Variants in NTM observed in about 807,000 individuals in gnomAD.
NTM encodes the protein neurotrimin.
Under a neutral mutation model 42.1 loss-of-function variants are expected in NTM, and 13 were observed. That is an observed-to-expected ratio of 0.31 (90% confidence interval 0.20 to 0.49). The LOEUF (loss-of-function observed/expected upper bound fraction) is 0.49. NTM is among the 20% of genes least tolerant of loss of function. The pLI is 0.99. For missense variants in NTM, 373 were observed against 452.8 expected, an observed-to-expected ratio of 0.82 and a Z score of 1.60; for synonymous variants, 187 against 179.2, an observed-to-expected ratio of 1.04 and a Z score of -0.35.
intron 1 of NTM, among the ~76,000 whole-genome samples, chr11:131,588,549 G>A (rs2059082924): frequency 6.6e-6 from 1 of 152,170 alleles, no homozygotes; most frequent in South Asian, 2.1e-4. Context: ...GGTAGGGCAA[G>A]GACACAAAAA....
At chr11:131,539,816 T>C (rs1004940005) in intron 1 of NTM, among the ~76,000 whole-genome samples, 2 of 152,186 alleles carry the variant, frequency 1.3e-5, no homozygotes, top group Non-Finnish European at 2.9e-5. Flanking sequence ...GGTTGAACTC[T>C]ATCTGAGCTA....
At chr11:131,901,184 G>A (rs1382129344) in intron 1 of NTM, among the ~76,000 whole-genome samples, 1 of 152,150 alleles carries the variant, frequency 6.6e-6, no homozygotes, top group Admixed American at 6.5e-5. Context: ...TAATAGAAGA[G>A]GAAAAGGAGA....
intron 1 of NTM, among the ~76,000 whole-genome samples, chr11:131,888,383 C>T (rs2050725211): frequency 6.6e-6 from 1 of 152,142 alleles, no homozygotes. Flanking sequence ...CGGAGAAATG[C>T]GTCGTTCATT....
At chr11:132,084,323 G>T (rs1006281159) in intron 2 of NTM, among the ~76,000 whole-genome samples, 1 of 152,064 alleles carries the variant, frequency 6.6e-6, no homozygotes, top group African/African-American at 2.4e-5. Flanking sequence ...CCTTAATTAT[G>T]ATTGATAGCA....
At chr11:132,196,523 A>G (rs1427998339) in intron 3 of NTM, among the ~76,000 whole-genome samples, 1 of 152,230 alleles carries the variant, frequency 6.6e-6, no homozygotes, top group East Asian at 1.9e-4. Context: ...CACAATAGCA[A>G]AGACATGGAA....
chr11:131,742,893 G>T (rs1323104653), intron 1 of NTM, among the ~76,000 whole-genome samples: 1 of 152,204 alleles, frequency 6.6e-6, no homozygotes, highest in East Asian at 1.9e-4. Context: ...TGAACTGAAT[G>T]TGGAAACGCT....
chr11:132,251,358 T>C (rs2091918457), intron 4 of NTM, among the ~76,000 whole-genome samples: 1 of 152,198 alleles, frequency 6.6e-6, no homozygotes, highest in South Asian at 2.1e-4. Context: ...TAATTTAGGG[T>C]CTGGTAATTC....
chr11:131,794,594 A>T lies in NTM; in HGVS notation c.83-116970A>T. ...GTGCTTGAATAAGAAATGGCAATAG[A>T]CCGACACAAAATAAGTGCTGGATGA... On this transcript the variant is annotated intron_variant, in intron 1 of 8. Coordinates refer to ENST00000683400, the MANE Select transcript of NTM (RefSeq NM_001352005.2). 3.1e-6 allele frequency: 3 copies of T among 983,276 alleles called. No homozygotes were observed. In the South Asian group the frequency reaches 1.4e-4, roughly 47 times the overall value. The allele number at this position is 983,276 out of a possible 1,614,324, so 60.9% of individuals were successfully genotyped here. A position where few individuals can be genotyped will look rare whatever the true frequency, so the allele number is the denominator to read the frequency against.
chr11:132,083,549 A>C lies in NTM; in HGVS notation c.168-62733A>C, dbSNP rs564247559. 6.4e-4 allele frequency among the ~76,000 whole-genome samples: 97 copies of C among 152,320 alleles called. 1 individual carries two copies. In the South Asian group the frequency reaches 0.015, roughly 24 times the overall value. On this transcript the variant is annotated intron_variant, in intron 2 of 8. Transcript: ENST00000683400. ...TTCCTCTCTTCTTGAAGTCACAAGA[A>C]TATGGAGTTCCTGGGCCTGTGAGAA... is the stretch of plus-strand genomic sequence containing the variant.
chr11:131,485,517 G>A (rs7951332), intron 1 of NTM, among the ~76,000 whole-genome samples: 25,318 of 152,062 alleles, frequency 0.17, 3,749 homozygotes, highest in East Asian at 0.45. Flanking sequence ...ATGTCCCAGA[G>A]CCCCTGAAAA....
In NTM at chr11:132,002,135, A is replaced by G. The variant is rs2135301791; in HGVS notation, c.167+90487A>G. ...GGGCTGGAAATTATGCTGCCTGAAGAGGGTGGAGGCTCTTCAAATGTCCGA... is the reference window on the plus strand; with the variant it reads ...GGGCTGGAAATTATGCTGCCTGAAGGGGGTGGAGGCTCTTCAAATGTCCGA... On this transcript the variant is annotated intron_variant, in intron 2 of 8. Coordinates refer to ENST00000683400, the MANE Select transcript of NTM (RefSeq NM_001352005.2). The surrounding 1 kb of genome is among the most constrained non-coding windows in gnomAD (Gnocchi z 4.5). 6.6e-6 allele frequency among the ~76,000 whole-genome samples: 1 copy of G among 152,244 alleles called. No homozygotes were observed. Among genetic ancestry groups the G allele is most frequent in the African/African-American group, 2.4e-5 (1 of 41,550 alleles).
At chr11:132,087,936 T>C (rs1594539029) in intron 2 of NTM, among the ~76,000 whole-genome samples, 1 of 152,178 alleles carries the variant, frequency 6.6e-6, no homozygotes, top group Non-Finnish European at 1.5e-5. Flanking sequence ...AGGGCCCAGG[T>C]CCCTGAGGCC....
chr11:132,317,647 C>CGATTTAG (rs1767662202), intron 7 of NTM: 1 of 1,302,070 alleles, frequency 7.7e-7, no homozygotes, highest in Admixed American at 2.3e-5. Flanking sequence ...GTCCCTCAAC[C>CGATTTAG]GATTTAGAAC....
At chr11:131,525,104 C>A (rs417229) in intron 1 of NTM, among the ~76,000 whole-genome samples, 1 of 151,798 alleles carries the variant, frequency 6.6e-6, no homozygotes, top group Non-Finnish European at 1.5e-5. Context: ...ATTGCCAGAC[C>A]TCTACGCTTA....
At chr11:132,121,837 C>T (rs1029846159) in intron 2 of NTM, among the ~76,000 whole-genome samples, 5 of 152,234 alleles carry the variant, frequency 3.3e-5, no homozygotes, top group Non-Finnish European at 5.9e-5. Context: ...TTCAATTCTT[C>T]TGCTCCTAGC....
At chr11:131,796,589 G>C (rs1419141363) in intron 1 of NTM, among the ~76,000 whole-genome samples, 1 of 152,142 alleles carries the variant, frequency 6.6e-6, no homozygotes, top group African/African-American at 2.4e-5. Flanking sequence ...CAGGAAACCA[G>C]TTGACAAAGA....
intron 1 of NTM, among the ~76,000 whole-genome samples, chr11:131,656,688 G>C (rs1418538149): frequency 5.9e-5 from 9 of 152,152 alleles, no homozygotes; most frequent in African/African-American, 2.2e-4. Context: ...GGAGGAGGAA[G>C]GGGCACTACC....
intron 2 of NTM, among the ~76,000 whole-genome samples, chr11:132,036,898 G>T (rs1004252936): frequency 6.6e-6 from 1 of 152,128 alleles, no homozygotes; most frequent in East Asian, 1.9e-4. Flanking sequence ...AGAAAGTGTG[G>T]CATCCATATG....
intron 1 of NTM, among the ~76,000 whole-genome samples, chr11:131,517,998 T>C (rs1022310836): frequency 1.3e-5 from 2 of 152,232 alleles, no homozygotes; most frequent in Non-Finnish European, 2.9e-5. Flanking sequence ...ATAATTATCA[T>C]GTCTCTCATT....
Sources: gnomAD v4.1 joint callset for allele counts (sites outside exome capture counted in the v4.1 genomes callset) on GRCh38, gnomAD v4.1.1 for gene constraint, Gnocchi (gnomAD v3.1) non-coding constraint, MANE v1.5 for transcripts, NCBI Gene and HGNC (gene_info 2026-07-23, HGNC 2026-07-21) for gene names.